The following ATP2B2 variants were observed in gnomAD, a reference collection of about 807,000 sequenced individuals.
The protein encoded by ATP2B2 is ATPase plasma membrane Ca2+ transporting 2.
Under a neutral mutation model 120.0 loss-of-function variants are expected in ATP2B2, and 15 were observed. The observed-to-expected ratio is 0.12, with a 90% CI of 0.08 to 0.19. The LOEUF is 0.19. Ranked by LOEUF, ATP2B2 falls within the 10% of genes least tolerant of loss-of-function variation. ATP2B2 has a pLI of 1.00. For missense variants in ATP2B2, 1,045 were observed against 1,719.8 expected, an observed-to-expected ratio of 0.61 and a Z score of 6.94; for synonymous variants, 694 against 700.3, an observed-to-expected ratio of 0.99 and a Z score of 0.14.
At chr3:10,449,030 T>C (rs1449169167) in intron 2 of ATP2B2, among the ~76,000 whole-genome samples, 2 of 152,190 alleles carry the variant, frequency 1.3e-5, no homozygotes, top group South Asian at 2.1e-4. Flanking sequence ...GTGCCTCCCA[T>C]AGTAACAGAA....
intron 12 of ATP2B2, among the ~76,000 whole-genome samples, chr3:10,369,863 C>T (rs1362908349): frequency 1.3e-5 from 2 of 152,240 alleles, no homozygotes; most frequent in African/African-American, 2.4e-5. Context: ...GTCCTTCCCA[C>T]ATCGACGGCT....
At chr3:10,475,288 A>G (rs2065161409) in intron 1 of ATP2B2, among the ~76,000 whole-genome samples, 1 of 152,206 alleles carries the variant, frequency 6.6e-6, no homozygotes, top group Non-Finnish European at 1.5e-5. Flanking sequence ...CAAGTAGCAC[A>G]TGGGGGAGGT....
upstream of ATP2B2, among the ~76,000 whole-genome samples, chr3:10,509,803 T>G (rs1046396644): frequency 1.4e-4 from 22 of 152,126 alleles, no homozygotes; most frequent in African/African-American, 4.6e-4. Context: ...CAACCAGATC[T>G]CGAGTGGAGG....
At chr3:10,447,395 T>C (rs2063874325) in intron 2 of ATP2B2, among the ~76,000 whole-genome samples, 1 of 152,170 alleles carries the variant, frequency 6.6e-6, no homozygotes, top group African/African-American at 2.4e-5. Flanking sequence ...CTGGGGAGCC[T>C]TTCTGGTGGG....
intron 1 of ATP2B2, among the ~76,000 whole-genome samples, chr3:10,473,221 T>C (rs2125291946): frequency 6.6e-6 from 1 of 152,362 alleles, no homozygotes; most frequent in African/African-American, 2.4e-5. Context: ...CTAGGTCCCC[T>C]TCTCTTATTC....
rs141039434 is a variant in ATP2B2 at position 10,330,617 on chromosome 3, G to A, written c.3421-1492C>T. Among the ~76,000 whole-genome samples the A allele has an allele frequency of 8.3e-3, 1,261 of 152,382 alleles. 12 individuals are homozygous for A. The highest frequency in any genetic ancestry group is 0.011 in the Non-Finnish European group (775 of 68,038). ...AGGCCAAGTGGCACCCACCTGCAGA[G>A]CAGTGGCTGCCCTGCACCACAGGCC... On this transcript the variant is annotated intron_variant, in intron 22 of 22. Coordinates refer to ENST00000360273, the MANE Select transcript of ATP2B2 (RefSeq NM_001001331.4).
At chr3:10,682,534 T>C (rs776195499) in intron 1 of ATP2B2, among the ~76,000 whole-genome samples, 1 of 152,214 alleles carries the variant, frequency 6.6e-6, no homozygotes, top group Non-Finnish European at 1.5e-5. Flanking sequence ...AGTAAGTAGA[T>C]GTCAAATCTT....
intron 1 of ATP2B2, among the ~76,000 whole-genome samples, chr3:10,467,278 C>G (rs1270369657): frequency 2.6e-5 from 4 of 152,236 alleles, no homozygotes; most frequent in Non-Finnish European, 4.4e-5. Flanking sequence ...CAACTCAGAG[C>G]TGCCTTGTGG....
At chr3:10,359,663 A>G (rs2125449351) in intron 13 of ATP2B2, among the ~76,000 whole-genome samples, 1 of 152,336 alleles carries the variant, frequency 6.6e-6, no homozygotes, top group African/African-American at 2.4e-5. Context: ...AAGAGGATAT[A>G]GTGGAAAACA....
Position 10,329,074 on chromosome 3 carries a change from G to C in ATP2B2, c.3472C>G (p.Pro1158Ala). 6.2e-7 allele frequency: 1 copy of C among 1,613,952 alleles called. No individual in the cohort carries two copies. Among genetic ancestry groups the C allele is most frequent in the Non-Finnish European group, 8.5e-7 (1 of 1,180,000 alleles). Reference protein sequence around the residue: ...RSSLYEGLEKPESRTSIHNFM... With the variant: ...RSSLYEGLEKAESRTSIHNFM... ...TTATGGATGGAGGTTCGAGATTCAG[G>C]CTTTTCTAAACCTTCATAGAGAGAG... is the stretch of plus-strand genomic sequence containing the variant. Residue 1158 changes from proline to alanine, a missense_variant, in exon 23 of 23, where the codon CCT (proline) becomes GCT (alanine). Pro to Ala is a conservative substitution (Grantham distance 27, BLOSUM62 -1). Coordinates refer to ENST00000360273, the MANE Select transcript of ATP2B2 (RefSeq NM_001001331.4). The surrounding 1 kb of genome is among the most constrained non-coding windows in gnomAD (Gnocchi z 5.9).
chr3:10,443,604 G>A (rs2063740867), intron 2 of ATP2B2, among the ~76,000 whole-genome samples: 1 of 152,186 alleles, frequency 6.6e-6, no homozygotes, highest in Non-Finnish European at 1.5e-5. Flanking sequence ...CAACACAGAG[G>A]ACAGCGGAAG....
rs201411918 is a variant in ATP2B2 at position 10,328,937 on chromosome 3, C to T, written c.3609G>A (p.Pro1203=). The change falls in exon 23 of 23, where the codon CCG becomes CCA. Residue 1203 remains proline, a synonymous_variant. Transcript: ENST00000360273. ...DAALKQNSSP[P]SSLNKNNSAI... ...CGCTGTTGTTCTTGTTGAGGGATGA[C>T]GGCGGGCTCGAGTTCTGCTTGAGCG... 1.1e-4 allele frequency: 172 copies of T among 1,613,648 alleles called. No individual in the cohort carries two copies. Among genetic ancestry groups the T allele is most frequent in the Middle Eastern group, 1.6e-4 (1 of 6,084 alleles).
chr3:10,697,642 C>T (rs2071760075), intron 1 of ATP2B2, among the ~76,000 whole-genome samples: 1 of 152,180 alleles, frequency 6.6e-6, no homozygotes, highest in African/African-American at 2.4e-5. Flanking sequence ...TACAGTCTGC[C>T]TTAGAGGCCA....
At chr3:10,628,074 C>T (rs576329859) in intron 1 of ATP2B2, among the ~76,000 whole-genome samples, 4 of 152,182 alleles carry the variant, frequency 2.6e-5, no homozygotes, top group East Asian at 3.9e-4. Context: ...TGGCACATTC[C>T]GGGACCAGCA....
chr3:10,572,750 G>A (rs556942878), intron 2 of ATP2B2, among the ~76,000 whole-genome samples: 13 of 152,302 alleles, frequency 8.5e-5, no homozygotes, highest in African/African-American at 3.1e-4. Flanking sequence ...AGGGGCATCT[G>A]CAGGGGCCAC....
In ATP2B2 at chr3:10,343,503, C is replaced by T. The variant is rs374899108; in HGVS notation, c.2704-538G>A. Reference sequence around the variant, plus strand: ...ATACATTTCAAGGTAGGAAATATGGCAAATGAGGAATAGCAAAAGCAACTA... The same window carrying T: ...ATACATTTCAAGGTAGGAAATATGGTAAATGAGGAATAGCAAAAGCAACTA... On this transcript the variant is annotated intron_variant, in intron 18 of 22. Coordinates refer to ENST00000360273, the MANE Select transcript of ATP2B2 (RefSeq NM_001001331.4). This position sits in a 1 kb window ranked among gnomAD's most constrained non-coding sequence, Gnocchi z 4.2. Among the ~76,000 whole-genome samples the T allele has an allele frequency of 9.9e-6, 1 of 100,840 alleles. No homozygotes were observed. The allele number at this position is 100,840 out of a possible 152,430, so 66.2% of individuals were successfully genotyped here.
At chr3:10,571,922 T>C (rs1387775004) in intron 2 of ATP2B2, among the ~76,000 whole-genome samples, 2 of 152,216 alleles carry the variant, frequency 1.3e-5, no homozygotes, top group Non-Finnish European at 2.9e-5. Flanking sequence ...CCAAAATTCA[T>C]GTCTTTTGCT....
At chr3:10,633,656 G>T (rs1047017231) in intron 1 of ATP2B2, among the ~76,000 whole-genome samples, 2 of 152,204 alleles carry the variant, frequency 1.3e-5, no homozygotes, top group Admixed American at 6.5e-5. Context: ...AAGAAAAACT[G>T]AAAACCTGCC....
intron 1 of ATP2B2, among the ~76,000 whole-genome samples, chr3:10,472,988 T>C (rs2065072209): frequency 6.6e-6 from 1 of 152,220 alleles, no homozygotes; most frequent in Non-Finnish European, 1.5e-5. Context: ...AACCAAGATC[T>C]GATCTAAGCC....
Sources: gnomAD v4.1 joint callset for allele counts (sites outside exome capture counted in the v4.1 genomes callset) on GRCh38, gnomAD v4.1.1 for gene constraint, Gnocchi (gnomAD v3.1) non-coding constraint, MANE v1.5 for transcripts, NCBI Gene and HGNC (gene_info 2026-07-23, HGNC 2026-07-21) for gene names.